The following PPARG variants were observed in gnomAD, a reference collection of about 807,000 sequenced individuals.
PPARG encodes peroxisome proliferator activated receptor gamma, also known as peroxisome proliferator-activated receptor gamma.
PPARG carries 17 observed loss-of-function variants against 39.2 expected under a neutral mutation model. The ratio of observed to expected loss-of-function variants is 0.43; its 90% CI spans 0.30 to 0.65. PPARG has a LOEUF of 0.65. PPARG is among the 30% of genes least tolerant of loss of function. The pLI is 0.13. For missense variants in PPARG, 406 were observed against 585.9 expected (o/e 0.69, Z 3.17); for synonymous variants, 223 against 215.7 (o/e 1.03, Z -0.30).
Position 12,354,753 on chromosome 3 carries a change from CAAA to C in PPARG, c.-8-24935_-8-24933del, listed in dbSNP as rs71063823. 3.3e-3 allele frequency among the ~76,000 whole-genome samples: 380 copies of C among 116,188 alleles called. 5 individuals are homozygous for C. Among genetic ancestry groups the C allele is most frequent in the Non-Finnish European group, 2.7e-3 (155 of 56,390 alleles). The allele number at this position is 116,188 out of a possible 152,430, so 76.2% of individuals were successfully genotyped here. On this transcript the variant is annotated intron_variant, in intron 2 of 7. Transcript: ENST00000651735. Reference sequence around the variant, plus strand: ...TGGGCGACAGAGCGAGACTCCATCTCAAAAAAAAAAAAAAAAAAGAAAAGAAAC... The same window carrying C: ...TGGGCGACAGAGCGAGACTCCATCTCAAAAAAAAAAAAAAAGAAAAGAAAC...
At chr3:12,328,978 G>T (rs756032242) in intron 2 of PPARG, among the ~76,000 whole-genome samples, 1 of 152,136 alleles carries the variant, frequency 6.6e-6, no homozygotes, top group East Asian at 1.9e-4. Context: ...TAAGATGGAC[G>T]CCGTAATCCT....
chr3:12,355,701 A>G (rs2048639321), intron 2 of PPARG, among the ~76,000 whole-genome samples: 2 of 152,210 alleles, frequency 1.3e-5, no homozygotes, highest in Non-Finnish European at 1.5e-5. Context: ...CCAAAGAAGT[A>G]TCATTTACAT....
intron 7 of PPARG, among the ~76,000 whole-genome samples, chr3:12,418,410 C>A (rs1167078375): frequency 6.6e-6 from 1 of 152,074 alleles, no homozygotes; most frequent in African/African-American, 2.4e-5. Context: ...ACAGTGTATC[C>A]TCTGTGAAAA....
At chr3:12,314,667 A>G (rs1409655136) in intron 2 of PPARG, among the ~76,000 whole-genome samples, 2 of 152,214 alleles carry the variant, frequency 1.3e-5, no homozygotes, top group South Asian at 2.1e-4. Flanking sequence ...AGGAATCACT[A>G]CAGATTAGGA....
At chr3:12,302,302 A>G (rs1022094071) in intron 1 of PPARG, among the ~76,000 whole-genome samples, 1 of 152,208 alleles carries the variant, frequency 6.6e-6, no homozygotes, top group Non-Finnish European at 1.5e-5. Flanking sequence ...AAATATCCCG[A>G]GTAGGTACAT....
At chr3:12,381,643 T>TC in intron 4 of PPARG, 152 bp downstream of exon 4, 1 of 755,852 alleles carries the variant, frequency 1.3e-6, no homozygotes, top group South Asian at 1.7e-5. Flanking sequence ...AGTGGTGCTA[T>TC]CCTAGCACAC....
chr3:12,287,370 C>T (rs2046522945), upstream of PPARG: 1 of 152,248 alleles, frequency 6.6e-6, no homozygotes, highest in African/African-American at 2.4e-5. Context: ...AACCATGTAA[C>T]TTACAAACGC....
At chr3:12,339,933 A>C (rs1023502673) in intron 2 of PPARG, among the ~76,000 whole-genome samples, 2 of 152,226 alleles carry the variant, frequency 1.3e-5, no homozygotes, top group Non-Finnish European at 2.9e-5. Flanking sequence ...ACCTTACTGC[A>C]TAGGTCTTTC....
In PPARG at chr3:12,334,433, G is replaced by A. The variant is rs951293431; in HGVS notation, c.-9+21980G>A. On this transcript the variant is annotated intron_variant, in intron 2 of 7. Transcript: ENST00000651735. The stretch of plus-strand genomic sequence containing the variant: ...TTTAGTAGAGATGGGTTTTCGCCAT[G>A]TTGTCCAGGCTGGTCTCGAACTCCT... 7.9e-5 allele frequency among the ~76,000 whole-genome samples: 12 copies of A among 152,080 alleles called. No homozygotes were observed. The East Asian group carries it at 2.3e-3, about 29-fold the overall frequency.
chr3:12,432,805 A>G (rs2051705795), intron 7 of PPARG, among the ~76,000 whole-genome samples: 1 of 152,240 alleles, frequency 6.6e-6, no homozygotes, highest in African/African-American at 2.4e-5. Context: ...CAATATACTA[A>G]AATCAATTAG....
At chr3:12,393,041 AT>A (rs1315560037) in intron 5 of PPARG, among the ~76,000 whole-genome samples, 1 of 152,202 alleles carries the variant, frequency 6.6e-6, no homozygotes, top group East Asian at 1.9e-4. Context: ...GATCATCATG[AT>A]TAATTTTTAT....
chr3:12,300,272 A>T (rs923330433), intron 1 of PPARG, among the ~76,000 whole-genome samples: 1 of 152,222 alleles, frequency 6.6e-6, no homozygotes, highest in Non-Finnish European at 1.5e-5. Context: ...ACCTATGAAC[A>T]TGACCTTATA....
chr3:12,389,336 C>T (rs1321639237), intron 4 of PPARG, among the ~76,000 whole-genome samples: 2 of 152,002 alleles, frequency 1.3e-5, no homozygotes, highest in African/African-American at 4.8e-5. Context: ...AACTGGAGTC[C>T]AGTACTGATG....
chr3:12,298,113 A>C (rs867304114), intron 1 of PPARG, among the ~76,000 whole-genome samples: 18 of 150,628 alleles, frequency 1.2e-4, no homozygotes, highest in South Asian at 4.2e-4. Context: ...TCCCGGCTAA[A>C]ACGGTGAAAC....
At chr3:12,288,525 G>T (rs938076036), upstream of PPARG, among the ~76,000 whole-genome samples, 2 of 152,006 alleles carry the variant, frequency 1.3e-5, no homozygotes, top group Admixed American at 6.5e-5. Flanking sequence ...GGGAACTTTG[G>T]AGCAGGGTGT....
chr3:12,349,534 A>C (rs1014970172), intron 2 of PPARG, among the ~76,000 whole-genome samples: 3 of 152,212 alleles, frequency 2.0e-5, no homozygotes, highest in Non-Finnish European at 4.4e-5. Flanking sequence ...GCTATGTGGC[A>C]GGCCCTGTGT....
chr3:12,397,798 A>G (rs1310613079), intron 5 of PPARG, among the ~76,000 whole-genome samples: 2 of 152,096 alleles, frequency 1.3e-5, no homozygotes, highest in East Asian at 3.9e-4. Context: ...ACAAACTCCT[A>G]ATGCATGTGG....
At chr3:12,348,553 A>T (rs2048390885) in intron 2 of PPARG, among the ~76,000 whole-genome samples, 1 of 152,194 alleles carries the variant, frequency 6.6e-6, no homozygotes, top group Non-Finnish European at 1.5e-5. Flanking sequence ...TCTCCTGCTG[A>T]GGATGTGGTG....
chr3:12,331,312 G>A (rs1013315858), intron 2 of PPARG, among the ~76,000 whole-genome samples: 2 of 152,154 alleles, frequency 1.3e-5, no homozygotes, highest in African/African-American at 2.4e-5. Context: ...TTTTTATGCC[G>A]ATAGTTGAAG....
Sources: gnomAD v4.1 joint callset for allele counts (sites outside exome capture counted in the v4.1 genomes callset) on GRCh38, gnomAD v4.1.1 for gene constraint, MANE v1.5 for transcripts, NCBI Gene and HGNC (gene_info 2026-07-23, HGNC 2026-07-21) for gene names.